The following CTDSPL2 variants were observed in gnomAD, a reference collection of about 807,000 sequenced individuals.
CTDSPL2 encodes the protein CTD small phosphatase-like protein 2.
Under a neutral mutation model 60.0 loss-of-function variants are expected in CTDSPL2, and 5 were observed. The observed-to-expected ratio is 0.08, with a 90% CI of 0.04 to 0.18. The LOEUF (loss-of-function observed/expected upper bound fraction) is 0.18. Among genes scored for constraint, CTDSPL2 ranks in the 10% least tolerant of loss-of-function variants. The pLI, the probability that CTDSPL2 is intolerant of heterozygous loss-of-function variation, is 1.00. For synonymous variants in CTDSPL2, 186 were observed against 189.3 expected (o/e 0.98, Z 0.14); for missense variants, 370 against 548.8 (o/e 0.67, Z 3.26).
At chr15:44,496,297 G>T in intron 5 of CTDSPL2, 83 bp from the exon 6 acceptor site, 1 of 937,320 alleles carries the variant, frequency 1.1e-6, no homozygotes, top group East Asian at 2.5e-5. Context: ...GCTTTAGGAA[G>T]ATCTTAGATA....
At chr15:44,435,579 A>T (rs1302943433) in intron 1 of CTDSPL2, among the ~76,000 whole-genome samples, 4 of 151,980 alleles carry the variant, frequency 2.6e-5, no homozygotes, top group African/African-American at 4.8e-5. Context: ...AAACCAAAAA[A>T]AAAAAGAGAA....
chr15:44,450,765 T>G (rs1318167555), intron 1 of CTDSPL2, among the ~76,000 whole-genome samples: 1 of 151,724 alleles, frequency 6.6e-6, no homozygotes. Flanking sequence ...CCGGCTAATT[T>G]TTGTATTTTT....
At chr15:44,513,229 G>A (rs1653514141) in intron 8 of CTDSPL2, among the ~76,000 whole-genome samples, 1 of 152,194 alleles carries the variant, frequency 6.6e-6, no homozygotes, top group Non-Finnish European at 1.5e-5. Context: ...ACTTTGGGAG[G>A]CCAAGACGGG....
rs2081903662 is a variant in CTDSPL2, at chr15:44,528,439, G to A, written c.*4265G>A. The stretch of plus-strand genomic sequence containing the variant: ...CCAGTATTGGGTAATCAATGTTTTA[G>A]CTAAATGTGACACTGGTTTGAGAGT... On this transcript the variant is annotated 3_prime_UTR_variant, in exon 13 of 13. Coordinates refer to ENST00000260327, the MANE Select transcript of CTDSPL2 (RefSeq NM_016396.3). 6.6e-6 allele frequency: 1 copy of A among 150,534 alleles called. No individual in the cohort carries two copies. The allele number at this position is 150,534 out of a possible 1,614,324, so 9.3% of individuals were successfully genotyped here.
At chr15:44,462,270 T>A (rs546822734) in intron 2 of CTDSPL2, among the ~76,000 whole-genome samples, 1 of 152,298 alleles carries the variant, frequency 6.6e-6, no homozygotes, top group Admixed American at 6.5e-5. Flanking sequence ...AATTATACTT[T>A]TTGTCCTTCT....
chr15:44,527,476 C>A lies in CTDSPL2; in HGVS notation c.*3302C>A, dbSNP rs2081893475. Reference sequence around the variant, plus strand: ...CATTTCATTATTCCTACAGATCTTTCCTGCGAGCACAGAATTCTTCATAAG... The same window carrying A: ...CATTTCATTATTCCTACAGATCTTTACTGCGAGCACAGAATTCTTCATAAG... On this transcript the variant is annotated 3_prime_UTR_variant, in exon 13 of 13. Coordinates refer to ENST00000260327, the MANE Select transcript of CTDSPL2 (RefSeq NM_016396.3). 6.6e-6 allele frequency: 1 copy of A among 152,126 alleles called. No individual in the cohort carries two copies. The highest frequency in any genetic ancestry group is 2.4e-5 in the African/African-American group (1 of 41,432). The allele number at this position is 152,126 out of a possible 1,614,324, so 9.4% of individuals were successfully genotyped here. A position where few individuals can be genotyped will look rare whatever the true frequency, so the allele number is the denominator to read the frequency against.
intron 8 of CTDSPL2, among the ~76,000 whole-genome samples, chr15:44,506,603 C>T (rs117025183): frequency 0.02 from 2,983 of 150,534 alleles, 45 homozygotes; most frequent in Middle Eastern, 0.07. Flanking sequence ...TTTGTAGAGA[C>T]GGGGTTTCTC....
intron 8 of CTDSPL2, among the ~76,000 whole-genome samples, chr15:44,509,655 T>A (rs1425544570): frequency 6.6e-6 from 1 of 152,090 alleles, no homozygotes; most frequent in East Asian, 1.9e-4. Context: ...TTTTTTGAAA[T>A]TATATATATG....
At chr15:44,432,206 T>A (rs2141252619) in intron 1 of CTDSPL2, among the ~76,000 whole-genome samples, 1 of 152,174 alleles carries the variant, frequency 6.6e-6, no homozygotes, top group East Asian at 1.9e-4. Flanking sequence ...CAAGAAGAAT[T>A]GTAAGACCTT....
intron 4 of CTDSPL2, 56 bp downstream of exon 4, chr15:44,486,756 G>C (rs2081126337): frequency 1.3e-5 from 15 of 1,166,718 alleles, no homozygotes; most frequent in Non-Finnish European, 1.8e-5. Context: ...TGCATAGTTT[G>C]GGTTTTTTTT....
chr15:44,446,446 G>A lies in CTDSPL2; in HGVS notation c.-24-12545G>A, dbSNP rs571663593. Among the ~76,000 whole-genome samples, 681 of 151,960 alleles carry A rather than the reference G, an allele frequency of 4.5e-3. 4 individuals are homozygous for A. Among genetic ancestry groups the A allele is most frequent in the African/African-American group, 0.016 (648 of 41,508 alleles). ...TGTTCGAAACCGCCCTGGCCAACAT[G>A]GCAAAACCCCGTCTCTACTAAAAAT... On this transcript the variant is annotated intron_variant, in intron 1 of 12. Transcript: ENST00000260327.
At position 44,483,468 on chromosome 15, in the gene CTDSPL2, G is replaced by A. The variant is rs1004601443; in HGVS notation, c.187-756G>A. On this transcript the variant is annotated intron_variant, in intron 2 of 12. Transcript: ENST00000260327. Reference sequence around the variant, plus strand: ...CAGGAAAATCGCCTGAACTCAGGAGGTTGAGGTTGCAGTGAGCCAAGATCA... The same window carrying A: ...CAGGAAAATCGCCTGAACTCAGGAGATTGAGGTTGCAGTGAGCCAAGATCA... Among the ~76,000 whole-genome samples the A allele has an allele frequency of 2.6e-5, 4 of 152,010 alleles. No homozygotes were observed. The South Asian group carries it at 8.3e-4, about 31-fold the overall frequency.
At chr15:44,477,882 C>A (rs2080950993) in intron 2 of CTDSPL2, among the ~76,000 whole-genome samples, 1 of 151,906 alleles carries the variant, frequency 6.6e-6, no homozygotes, top group African/African-American at 2.4e-5. Flanking sequence ...TATATGTATT[C>A]ACATATTTTC....
At chr15:44,504,455 G>T (rs1166238253) in intron 8 of CTDSPL2, among the ~76,000 whole-genome samples, 1 of 152,190 alleles carries the variant, frequency 6.6e-6, no homozygotes, top group East Asian at 1.9e-4. Flanking sequence ...ATGAAGGAAA[G>T]AAACCAATCA....
At chr15:44,436,641 G>A (rs2141267205) in intron 1 of CTDSPL2, among the ~76,000 whole-genome samples, 1 of 152,286 alleles carries the variant, frequency 6.6e-6, no homozygotes, top group East Asian at 1.9e-4. Context: ...CTCTTAGTCT[G>A]GAGGTCATTC....
intron 1 of CTDSPL2, among the ~76,000 whole-genome samples, chr15:44,429,258 G>C (rs1020653987): frequency 1.3e-5 from 2 of 152,158 alleles, no homozygotes; most frequent in Admixed American, 6.6e-5. Context: ...GGATTAAGTT[G>C]AGCTTCATAC....
At chr15:44,485,639 G>T (rs1237170139) in intron 3 of CTDSPL2, among the ~76,000 whole-genome samples, 1 of 152,234 alleles carries the variant, frequency 6.6e-6, no homozygotes, top group African/African-American at 2.4e-5. Flanking sequence ...CTGCGGCCCA[G>T]TTCCTAATAG....
At chr15:44,431,286 T>G (rs1332512065) in intron 1 of CTDSPL2, among the ~76,000 whole-genome samples, 1 of 152,208 alleles carries the variant, frequency 6.6e-6, no homozygotes, top group Non-Finnish European at 1.5e-5. Context: ...TTGACAGATA[T>G]GGAACCCATG....
chr15:44,472,706 C>T lies in CTDSPL2; in HGVS notation c.187-11518C>T, dbSNP rs191399042. Among the ~76,000 whole-genome samples, 420 of 152,276 alleles carry T rather than the reference C, an allele frequency of 2.8e-3. 2 individuals carry two copies. The highest frequency in any genetic ancestry group is 5.1e-3 in the Non-Finnish European group (350 of 68,020). ...TTGGAGACAGAGTCTCACTTTGTCA[C>T]CCGCTGGAGTGCAGTGGCGCAGTCT... On this transcript the variant is annotated intron_variant, in intron 2 of 12. Coordinates refer to ENST00000260327, the MANE Select transcript of CTDSPL2 (RefSeq NM_016396.3).
Sources: gnomAD v4.1 joint callset for allele counts (sites outside exome capture counted in the v4.1 genomes callset) on GRCh38, gnomAD v4.1.1 for gene constraint, MANE v1.5 for transcripts, NCBI Gene and HGNC (gene_info 2026-07-23, HGNC 2026-07-21) for gene names.